SLC19A2: variants seen among roughly 807,000 people sequenced by gnomAD.
The protein encoded by SLC19A2 is solute carrier family 19 member 2.
In SLC19A2, 27 loss-of-function variants were observed where a neutral mutation model predicts 44.7. The ratio of observed to expected loss-of-function variants is 0.60; its 90% confidence interval spans 0.45 to 0.83. The LOEUF (loss-of-function observed/expected upper bound fraction) is 0.83. Ranked by LOEUF, SLC19A2 falls within the 40% of genes least tolerant of loss-of-function variation. The pLI, the probability that SLC19A2 is intolerant of heterozygous loss-of-function variation, is 0.00. For missense variants in SLC19A2, 566 were observed against 613.7 expected (o/e 0.92, Z 0.82); for synonymous variants, 239 against 243.6 (o/e 0.98, Z 0.18).
At position 169,477,735 on chromosome 1, in the gene SLC19A2, A is replaced by G; in HGVS notation, c.227T>C (p.Val76Ala). 1 of 1,612,924 alleles carries G rather than the reference A, an allele frequency of 6.2e-7. No individual in the cohort carries two copies. The highest frequency in any genetic ancestry group is 8.5e-7 in the Non-Finnish European group (1 of 1,179,462). The change falls in exon 2 of 6, where the codon GTA (valine) becomes GCA (alanine). Residue 76 changes from valine to alanine, a missense_variant. Coordinates refer to ENST00000236137, the MANE Select transcript of SLC19A2 (RefSeq NM_006996.3). ...EREVFNEIYP[V>A]WTYSYLVLLF... ...TAGCACCAGGTAAGAGTAAGTCCAT[A>G]CTGGATAAATTTCATTGAAGACCTG... is the stretch of plus-strand genomic sequence containing the variant.
At chr1:169,467,818 A>G (rs1455459748) in intron 5 of SLC19A2, among the ~76,000 whole-genome samples, 1 of 152,212 alleles carries the variant, frequency 6.6e-6, no homozygotes, top group Non-Finnish European at 1.5e-5. Context: ...ATAATGGATG[A>G]GGAAGCAGAA....
chr1:169,483,803 A>T (rs1658494245), intron 1 of SLC19A2, among the ~76,000 whole-genome samples: 1 of 152,238 alleles, frequency 6.6e-6, no homozygotes, highest in Admixed American at 6.5e-5. Flanking sequence ...AACTGTGCAG[A>T]TCACATGGCA....
At chr1:169,473,209 G>T (rs1361241955) in intron 2 of SLC19A2, among the ~76,000 whole-genome samples, 1 of 151,888 alleles carries the variant, frequency 6.6e-6, no homozygotes, top group African/African-American at 2.4e-5. Context: ...GGTGGTTTTT[G>T]AGTCAACTAG....
intron 5 of SLC19A2, among the ~76,000 whole-genome samples, chr1:169,466,919 CA>C (rs1243099723): frequency 6.6e-6 from 1 of 152,090 alleles, no homozygotes; most frequent in Non-Finnish European, 1.5e-5. Context: ...CAAACTGGTT[CA>C]AAAGTACAAT....
At chr1:169,467,713 AAAG>A (rs1194659156) in intron 5 of SLC19A2, among the ~76,000 whole-genome samples, 7 of 152,186 alleles carry the variant, frequency 4.6e-5, no homozygotes, top group African/African-American at 9.6e-5. Context: ...TGTTTTAAAT[AAAG>A]AAGGGAGGAG....
rs17847481 is a variant in SLC19A2 at position 169,477,169 on chromosome 1, G to A, written c.793C>T (p.Pro265Ser). Residue 265 changes from proline to serine, a missense_variant, in exon 2 of 6, where the codon CCC (proline) becomes TCC (serine). Coordinates refer to ENST00000236137, the MANE Select transcript of SLC19A2 (RefSeq NM_006996.3). ...SKIPLNMEEP[P>S]VEEPEPKPDR... ...GCTGAGCTTACCGGTTCCTCCACGG[G>A]AGGCTCCTCCATATTTAGAGGGATT... 1.1e-4 allele frequency: 184 copies of A among 1,613,742 alleles called. No homozygotes were observed. In the East Asian group the frequency reaches 4.1e-3, roughly 36 times the overall value.
rs1657971312 is a variant in SLC19A2, at chr1:169,465,783, A to T, written c.*66T>A. On this transcript the variant is annotated 3_prime_UTR_variant, in exon 6 of 6. Transcript: ENST00000236137. ...TAAATATATGTCTACGCTTTAAAAAATCAAACACATCCAGGCAGTTGCTGT... is the reference window on the plus strand; with the variant it reads ...TAAATATATGTCTACGCTTTAAAAATTCAAACACATCCAGGCAGTTGCTGT... The T allele has an allele frequency of 6.3e-7, 1 of 1,577,766 alleles. No individual in the cohort carries two copies. The highest frequency in any genetic ancestry group is 8.7e-7 in the Non-Finnish European group (1 of 1,152,286).
Position 169,470,051 on chromosome 1 carries a change from A to T in SLC19A2, c.943T>A (p.Tyr315Asn). The change falls in exon 3 of 6, where the codon TAC becomes AAC. Residue 315 changes from tyrosine (Y) to asparagine (N), a missense_variant. By Grantham distance (143) the Tyr-to-Asn change is moderately radical. Transcript: ENST00000236137. Reference sequence around the variant, plus strand: ...ACTTTCTCCCACAGGCCCTGTGTGTAGTTCACAACTTGAAAATAGCCACAG... The same window carrying T: ...ACTTTCTCCCACAGGCCCTGTGTGTTGTTCACAACTTGAAAATAGCCACAG... The part of the protein sequence containing the change: ...STCGYFQVVN[Y>N]TQGLWEKVMP... The T allele has an allele frequency of 6.2e-7, 1 of 1,614,050 alleles. No homozygotes were observed. The highest frequency in any genetic ancestry group is 2.2e-5 in the East Asian group (1 of 44,880).
intron 2 of SLC19A2, among the ~76,000 whole-genome samples, chr1:169,472,277 A>G (rs919131577): frequency 6.6e-6 from 1 of 152,190 alleles, no homozygotes; most frequent in Non-Finnish European, 1.5e-5. Flanking sequence ...GAATTTTACT[A>G]TTTAGCTTCA....
chr1:169,468,470 C>G (rs796976014), intron 4 of SLC19A2, 174 bp downstream of exon 4: 15 of 687,650 alleles, frequency 2.2e-5, no homozygotes, highest in South Asian at 2.0e-4. Context: ...TGGGAATAAA[C>G]AAAACTTGCC....
chr1:169,480,281 T>C (rs1359613808), intron 1 of SLC19A2, among the ~76,000 whole-genome samples: 1 of 152,166 alleles, frequency 6.6e-6, no homozygotes, highest in Non-Finnish European at 1.5e-5. Flanking sequence ...GTCATTCCTT[T>C]GTGGCCTATA....
chr1:169,481,684 T>C (rs77910492), intron 1 of SLC19A2, among the ~76,000 whole-genome samples: 18 of 152,348 alleles, frequency 1.2e-4, no homozygotes, highest in African/African-American at 4.3e-4. Flanking sequence ...TAACATCTGC[T>C]ATGTGAGCAA....
At chr1:169,476,299 C>T (rs748288822) in intron 2 of SLC19A2, among the ~76,000 whole-genome samples, 44 of 152,336 alleles carry the variant, frequency 2.9e-4, no homozygotes, top group Non-Finnish European at 5.9e-4. Flanking sequence ...CTCAAACTGT[C>T]CTCTTGTGAT....
At chr1:169,471,512 T>C (rs1321694555) in intron 2 of SLC19A2, among the ~76,000 whole-genome samples, 1 of 125,982 alleles carries the variant, frequency 7.9e-6, no homozygotes, top group Non-Finnish European at 1.6e-5. Flanking sequence ...CACACACAAT[T>C]TAATTAGCTG....
chr1:169,481,877 T>C (rs539828144), intron 1 of SLC19A2, among the ~76,000 whole-genome samples: 1 of 152,304 alleles, frequency 6.6e-6, no homozygotes, highest in Admixed American at 6.5e-5. Context: ...TTGCACAACA[T>C]TGTTTTCAAC....
rs764175590 is a variant in SLC19A2, at chr1:169,468,137, C to T, written c.1339G>A (p.Gly447Ser). The change falls in exon 5 of 6, where the codon GGC (glycine) becomes AGC (serine). Residue 447 changes from glycine (G) to serine (S), a missense_variant. Physicochemically the swap from Gly to Ser is moderately conservative, Grantham distance 56 (BLOSUM62 0). Coordinates refer to ENST00000236137, the MANE Select transcript of SLC19A2 (RefSeq NM_006996.3). ...TGAGTGGTAATTTCTAATCCAAGGC[C>T]ACTGGCATCTACCACAATTAGAGTG... ...LLTLIVVDAS[G>S]LGLEITTQFL... 6.2e-7 allele frequency: 1 copy of T among 1,613,896 alleles called. No individual in the cohort carries two copies. Among genetic ancestry groups the T allele is most frequent in the East Asian group, 2.2e-5 (1 of 44,894 alleles).
intron 1 of SLC19A2, among the ~76,000 whole-genome samples, chr1:169,485,315 G>A (rs1658529635): frequency 6.6e-6 from 1 of 152,226 alleles, no homozygotes; most frequent in South Asian, 2.1e-4. Flanking sequence ...TCAGCATACT[G>A]CCTGACGCAC....
rs1199381084 is a variant in SLC19A2, at chr1:169,468,700, G to A, written c.1167C>T (p.Cys389=). 10 of 1,613,742 alleles carry A rather than the reference G, an allele frequency of 6.2e-6. No individual in the cohort carries two copies. The highest frequency in any genetic ancestry group is 7.6e-6 in the Non-Finnish European group (9 of 1,179,786). Residue 389 remains cysteine (C), a synonymous_variant, in exon 4 of 6, where the codon TGC becomes TGT. Transcript: ENST00000236137. ...TTCTGAAGACAACATAGGATGCATA[G>A]CACACCCAAATGTTACCCACAGTGT... ...IMDTVGNIWV[C]YASYVVFRII...
intron 1 of SLC19A2, 21 bp downstream of exon 1, chr1:169,485,541 GC>G: frequency 6.4e-7 from 1 of 1,569,432 alleles, no homozygotes; most frequent in South Asian, 1.2e-5. Context: ...CCCTTCCCGC[GC>G]CCCGCGTCCG....
Sources: allele counts gnomAD v4.1 joint callset (sites outside exome capture counted in the v4.1 genomes callset), GRCh38; gene constraint gnomAD v4.1.1; transcripts MANE v1.5; gene names NCBI Gene and HGNC (gene_info 2026-07-23, HGNC 2026-07-21).